PECAM1: variants seen among roughly 807,000 people sequenced by gnomAD.
The protein encoded by PECAM1 is platelet endothelial cell adhesion molecule.
PECAM1 carries 8 observed loss-of-function variants against 13.8 expected under a neutral mutation model. That is an observed-to-expected ratio of 0.58 (90% CI 0.34 to 1.05). The LOEUF (loss-of-function observed/expected upper bound fraction) is 1.05, where lower values mean the gene tolerates loss of function less well. Among genes scored for constraint, PECAM1 ranks in the 50% least tolerant of loss-of-function variants. The probability of loss-of-function intolerance (pLI) is 0.03; values close to 1 mark genes in which losing one functional copy is unlikely to be tolerated. For missense variants in PECAM1, 304 were observed against 141.2 expected (o/e 2.15, Z -5.84); for synonymous variants, 136 against 52.6 (o/e 2.58, Z -6.86).
intron 5 of PECAM1, among the ~76,000 whole-genome samples, 160 bp downstream of exon 5, chr17:64,369,590 A>G (rs2036193331): frequency 1.3e-5 from 2 of 152,258 alleles, no homozygotes; most frequent in East Asian, 3.9e-4. Flanking sequence ...CTCGCTCTGC[A>G]GTGGTTTCTT....
intron 12 of PECAM1, among the ~76,000 whole-genome samples, chr17:64,349,587 CAAA>C (rs72236584): frequency 3.1e-5 from 2 of 64,152 alleles, no homozygotes; most frequent in East Asian, 5.5e-4. Context: ...GACTCTGTAT[CAAA>C]AAAAAAAAAA....
At chr17:64,369,632 T>C (rs1270972972) in intron 5 of PECAM1, 118 bp downstream of exon 5, 7 of 397,182 alleles carry the variant, frequency 1.8e-5, no homozygotes, top group African/African-American at 8.2e-5. Context: ...TCTGAGCACA[T>C]TCATTCAGAT....
intron 5 of PECAM1, 27 bp from the exon 6 acceptor site, chr17:64,363,424 C>T (rs982999168): frequency 8.4e-6 from 4 of 474,944 alleles, no homozygotes; most frequent in East Asian, 3.1e-5. Flanking sequence ...GGGAATGGAG[C>T]GAGATGTGTC....
At chr17:64,330,006 C>A (rs1400291429) in intron 14 of PECAM1, among the ~76,000 whole-genome samples, 1 of 151,866 alleles carries the variant, frequency 6.6e-6, no homozygotes, top group Non-Finnish European at 1.5e-5. Flanking sequence ...GTCACTCAGG[C>A]TGGAGTGTGG....
chr17:64,382,163 C>T, intron 2 of PECAM1, among the ~76,000 whole-genome samples: 1 of 152,278 alleles, frequency 6.6e-6, no homozygotes, highest in East Asian at 1.9e-4. Context: ...TAATATAGTT[C>T]CCTCCCAACC....
chr17:64,338,126 C>T (rs1358035244), intron 14 of PECAM1, among the ~76,000 whole-genome samples: 2 of 151,994 alleles, frequency 1.3e-5, no homozygotes, highest in East Asian at 3.8e-4. Flanking sequence ...GCCTCCACCT[C>T]CCAGGCTCAA....
At chr17:64,340,717 CG>C (rs1436497751) in intron 14 of PECAM1, among the ~76,000 whole-genome samples, 2 of 151,984 alleles carry the variant, frequency 1.3e-5, no homozygotes, top group African/African-American at 4.8e-5. Flanking sequence ...TGGGTCGTCA[CG>C]GGAAGCGAAG....
chr17:64,388,973 G>A (rs1409123390), intron 2 of PECAM1, among the ~76,000 whole-genome samples: 4 of 152,028 alleles, frequency 2.6e-5, no homozygotes, highest in East Asian at 1.9e-4. Context: ...TGGTAAAATC[G>A]GTTATTTCTG....
intron 15 of PECAM1, among the ~76,000 whole-genome samples, chr17:64,325,529 A>C (rs1555645484): frequency 6.6e-6 from 1 of 152,220 alleles, no homozygotes; most frequent in Non-Finnish European, 1.5e-5. Context: ...TGAGTTTAGG[A>C]GTTCCAGAAC....
intron 13 of PECAM1, among the ~76,000 whole-genome samples, chr17:64,345,429 G>A (rs1189169224): frequency 4.6e-5 from 7 of 152,018 alleles, no homozygotes; most frequent in Non-Finnish European, 7.4e-5. Flanking sequence ...TAAAGAGGAA[G>A]AGGCCAGGCC....
chr17:64,370,299 A>G (rs1453741150), intron 4 of PECAM1: 3 of 276,972 alleles, frequency 1.1e-5, no homozygotes, highest in Non-Finnish European at 2.0e-5. Flanking sequence ...TCGCCTTCAG[A>G]GGACTTCAGA....
chr17:64,326,863 C>T (rs1327042464), intron 15 of PECAM1, among the ~76,000 whole-genome samples: 2 of 152,192 alleles, frequency 1.3e-5, no homozygotes, highest in African/African-American at 4.8e-5. Context: ...GTGTGGTCTC[C>T]CTCAAAGGTC....
At chr17:64,329,265 A>G (rs1413358253) in intron 15 of PECAM1, among the ~76,000 whole-genome samples, 2 of 152,096 alleles carry the variant, frequency 1.3e-5, no homozygotes, top group Non-Finnish European at 2.9e-5. Context: ...CCTCATCAGA[A>G]GGTGAACTGA....
In PECAM1 at chr17:64,361,580, C is replaced by A. The variant is rs1268600260; in HGVS notation, c.1217-1165G>T. Among the ~76,000 whole-genome samples, 3 of 151,428 alleles carry A rather than the reference C, an allele frequency of 2.0e-5. No homozygotes were observed. The East Asian group carries it at 5.9e-4, about 30-fold the overall frequency. On this transcript the variant is annotated intron_variant, in intron 6 of 15. Coordinates refer to ENST00000563924, the MANE Select transcript of PECAM1 (RefSeq NM_000442.5). ...ACCAGCCTGACCAATGTAGAGAAACCCCGTCTCTACTGAAAATACAAAATT... is the reference window on the plus strand; with the variant it reads ...ACCAGCCTGACCAATGTAGAGAAACACCGTCTCTACTGAAAATACAAAATT...
At chr17:64,380,648 T>C (rs2036462452) in intron 2 of PECAM1, among the ~76,000 whole-genome samples, 2 of 152,224 alleles carry the variant, frequency 1.3e-5, no homozygotes, top group Non-Finnish European at 2.9e-5. Context: ...CAAAGACAGA[T>C]GACATGATAT....
At chr17:64,371,624 G>C (rs1182002212) in intron 4 of PECAM1, among the ~76,000 whole-genome samples, 1 of 152,318 alleles carries the variant, frequency 6.6e-6, no homozygotes, top group South Asian at 2.1e-4. Flanking sequence ...GAGGTCAGGA[G>C]TTTAAGACCA....
At chr17:64,373,474 G>A (rs1260186059) in intron 4 of PECAM1, among the ~76,000 whole-genome samples, 1 of 151,824 alleles carries the variant, frequency 6.6e-6, no homozygotes, top group African/African-American at 2.4e-5. Flanking sequence ...TTAAAAAGCT[G>A]TAAAATAGTG....
At chr17:64,372,569 G>A (rs2036265082) in intron 4 of PECAM1, among the ~76,000 whole-genome samples, 1 of 152,060 alleles carries the variant, frequency 6.6e-6, no homozygotes, top group East Asian at 1.9e-4. Flanking sequence ...GCAGTGACAC[G>A]GTGGCTCACT....
chr17:64,381,828 C>A (rs1018444600), intron 2 of PECAM1, among the ~76,000 whole-genome samples: 3 of 152,156 alleles, frequency 2.0e-5, no homozygotes, highest in Non-Finnish European at 4.4e-5. Context: ...CAGCCGGGCA[C>A]GGTGGTTTAT....
Sources: allele counts gnomAD v4.1 joint callset (sites outside exome capture counted in the v4.1 genomes callset), GRCh38; gene constraint gnomAD v4.1.1; transcripts MANE v1.5; gene names NCBI Gene and HGNC (gene_info 2026-07-23, HGNC 2026-07-21).